The following PARP8 variants were observed in gnomAD, a reference collection of about 807,000 sequenced individuals.
PARP8 encodes poly(ADP-ribose) polymerase family member 8.
A neutral mutation model predicts 124.1 loss-of-function variants in PARP8; 51 were observed. The ratio of observed to expected loss-of-function variants is 0.41; its 90% CI spans 0.33 to 0.52. The LOEUF (loss-of-function observed/expected upper bound fraction) is 0.52. PARP8 is among the 20% of genes least tolerant of loss of function. The pLI is 0.21. For synonymous variants in PARP8, 391 were observed against 361.5 expected, an observed-to-expected ratio of 1.08 and a Z score of -0.93; for missense variants, 860 against 1,018.9, an observed-to-expected ratio of 0.84 and a Z score of 2.12.
At chr5:50,835,923 T>C (rs1747532350) in intron 25 of PARP8, among the ~76,000 whole-genome samples, 1 of 152,194 alleles carries the variant, frequency 6.6e-6, no homozygotes, top group Admixed American at 6.5e-5. Flanking sequence ...TTATCCATGA[T>C]CTTGTCACAG....
intron 2 of PARP8, among the ~76,000 whole-genome samples, chr5:50,730,047 A>C (rs1756822888): frequency 6.6e-6 from 1 of 152,166 alleles, no homozygotes; most frequent in Non-Finnish European, 1.5e-5. Flanking sequence ...AGATATTAGA[A>C]AGTGTTTTTG....
chr5:50,776,465 A>G (rs528064266), intron 7 of PARP8, among the ~76,000 whole-genome samples: 1 of 152,338 alleles, frequency 6.6e-6, no homozygotes, highest in Admixed American at 6.5e-5. Context: ...AATAGTTTGC[A>G]AAGCACAGAT....
intron 2 of PARP8, among the ~76,000 whole-genome samples, chr5:50,673,231 T>C (rs566900602): frequency 3.7e-4 from 56 of 152,306 alleles, no homozygotes; most frequent in African/African-American, 1.2e-3. Context: ...TCATATCTTT[T>C]TTAAAATTGC....
chr5:50,814,983 T>G (rs1052304996), intron 14 of PARP8, among the ~76,000 whole-genome samples: 1 of 152,098 alleles, frequency 6.6e-6, no homozygotes, highest in African/African-American at 2.4e-5. Context: ...ATTTTTTTTT[T>G]GTTTTTTTCC....
chr5:50,795,441 G>T, intron 12 of PARP8, 24 bp downstream of exon 12: 1 of 1,531,974 alleles, frequency 6.5e-7, no homozygotes, highest in South Asian at 1.3e-5. Context: ...TTCATCTTGA[G>T]TTCTTAAATG....
intron 2 of PARP8, among the ~76,000 whole-genome samples, chr5:50,717,886 G>T (rs143751771): frequency 6.6e-6 from 1 of 151,732 alleles, no homozygotes; most frequent in Non-Finnish European, 1.5e-5. Context: ...GATGGATTTA[G>T]GATCATGGAG....
intron 15 of PARP8, among the ~76,000 whole-genome samples, chr5:50,819,959 A>G (rs1374875242): frequency 6.6e-6 from 1 of 152,216 alleles, no homozygotes; most frequent in Non-Finnish European, 1.5e-5. Flanking sequence ...ATCTATATAT[A>G]TGTATGCATG....
rs1034816307 is a variant in PARP8 at position 50,810,356 on chromosome 5, ATACT to A, written c.1576-5074_1576-5071del. 1.4e-4 allele frequency among the ~76,000 whole-genome samples: 21 copies of A among 152,202 alleles called. 1 individual carries two copies. Among genetic ancestry groups the A allele is most frequent in the Admixed American group, 1.2e-3 (18 of 15,252 alleles). On this transcript the variant is annotated intron_variant, in intron 14 of 25. Coordinates refer to ENST00000281631, the MANE Select transcript of PARP8 (RefSeq NM_024615.4). ...AACATTTGGTTTTATTTAGGCATAC[ATACT>A]TTGTATTAAATTATGTACAATAAAA...
intron 2 of PARP8, among the ~76,000 whole-genome samples, chr5:50,698,633 C>A (rs1341567228): frequency 6.6e-6 from 1 of 152,074 alleles, no homozygotes; most frequent in Non-Finnish European, 1.5e-5. Context: ...GACCACTACC[C>A]AATGAAAGAA....
At chr5:50,747,141 G>GTTTTTTTTTTT (rs201585071) in intron 2 of PARP8, among the ~76,000 whole-genome samples, 2 of 80,906 alleles carry the variant, frequency 2.5e-5, no homozygotes, top group East Asian at 4.3e-4. Flanking sequence ...TTCAGTTATG[G>GTTTTTTTTTTT]TTTTTTTTGT....
intron 7 of PARP8, among the ~76,000 whole-genome samples, chr5:50,774,560 T>TG (rs1739690714): frequency 1.4e-5 from 1 of 72,668 alleles, no homozygotes; most frequent in African/African-American, 5.6e-5. Flanking sequence ...TCCCAGATGA[T>TG]GGGCGGCCGG....
At chr5:50,713,156 T>C (rs7733931) in intron 2 of PARP8, among the ~76,000 whole-genome samples, 10,193 of 152,122 alleles carry the variant, frequency 0.067, 378 homozygotes, top group Middle Eastern at 0.11. Context: ...TATAGATCTG[T>C]GGTGATGTTT....
chr5:50,742,098 C>T (rs1561314442), intron 2 of PARP8: 2 of 224,358 alleles, frequency 8.9e-6, no homozygotes, highest in South Asian at 4.8e-5. Context: ...GCGTGAGCCA[C>T]CGCCCCTGGC....
chr5:50,731,637 G>A (rs1756985696), intron 2 of PARP8, among the ~76,000 whole-genome samples: 1 of 152,086 alleles, frequency 6.6e-6, no homozygotes, highest in African/African-American at 2.4e-5. Context: ...GAAAGCATGA[G>A]GTATAGGACT....
rs1325869789 is a variant in PARP8 at position 50,815,423 on chromosome 5, C to G, written c.1576-9C>G. ...AAAGTTTTGTGATTGATTCCTTTTT[C>G]TTTTGTAGCCTACCGTATGTGAACG... On this transcript the variant is annotated splice_polypyrimidine_tract_variant and intron_variant, in intron 14 of 25. Transcript: ENST00000281631. The G allele has an allele frequency of 5.8e-6, 9 of 1,544,450 alleles. No homozygotes were observed. Among genetic ancestry groups the G allele is most frequent in the Non-Finnish European group, 3.5e-6 (4 of 1,151,280 alleles).
intron 23 of PARP8, 78 bp from the exon 24 acceptor site, chr5:50,833,901 T>C (rs1747270424): frequency 8.3e-6 from 10 of 1,200,664 alleles, no homozygotes; most frequent in South Asian, 5.0e-5. Flanking sequence ...TTAGTGACTA[T>C]TACTTTTTAA....
chr5:50,683,996 C>A (rs964085041), intron 2 of PARP8, among the ~76,000 whole-genome samples: 3 of 152,110 alleles, frequency 2.0e-5, no homozygotes, highest in Non-Finnish European at 4.4e-5. Flanking sequence ...CATTTATAGG[C>A]TATTCTCATA....
chr5:50,797,414 T>TA (rs1491543338), intron 14 of PARP8, among the ~76,000 whole-genome samples, 181 bp downstream of exon 14: 1 of 152,248 alleles, frequency 6.6e-6, no homozygotes, highest in Non-Finnish European at 1.5e-5. Flanking sequence ...AAAGAGCAGT[T>TA]AGTTTGATAT....
intron 15 of PARP8, among the ~76,000 whole-genome samples, chr5:50,817,224 G>T (rs1247701265): frequency 7.2e-5 from 11 of 152,160 alleles, no homozygotes; most frequent in Non-Finnish European, 1.0e-4. Flanking sequence ...GTTTTGAATA[G>T]AAATGAAATT....
Sources: gnomAD v4.1 joint callset for allele counts (sites outside exome capture counted in the v4.1 genomes callset) on GRCh38, gnomAD v4.1.1 for gene constraint, MANE v1.5 for transcripts, NCBI Gene and HGNC (gene_info 2026-07-23, HGNC 2026-07-21) for gene names.